R3HCC1: variants seen among roughly 807,000 people sequenced by gnomAD.
R3HCC1 encodes the protein R3H and coiled-coil domain-containing protein 1.
R3HCC1 carries 32 observed loss-of-function variants against 40.0 expected under a neutral mutation model. The ratio of observed to expected loss-of-function variants is 0.80; its 90% CI spans 0.60 to 1.07. The LOEUF is 1.07. R3HCC1 is among the 50% of genes least tolerant of loss of function. The pLI is 0.00. For missense variants in R3HCC1, 586 were observed against 563.3 expected, an observed-to-expected ratio of 1.04 and a Z score of -0.41; for synonymous variants, 237 against 232.8, an observed-to-expected ratio of 1.02 and a Z score of -0.17.
At position 23,290,101 on chromosome 8, in the gene R3HCC1, C is replaced by T; in HGVS notation, c.484C>T (p.Pro162Ser). The stretch of plus-strand genomic sequence containing the variant: ...TACCTCGGTGCTCAAGAGAGAGGCC[C>T]CAGCTGGCAGGGACCCAGAAGAGCC... The change falls in exon 4 of 8, where the codon CCA becomes TCA. Residue 162 changes from proline (P) to serine (S), a missense_variant. Pro to Ser is a moderately conservative substitution (Grantham distance 74, BLOSUM62 -1). Transcript: ENST00000265806. 6.4e-7 allele frequency: 1 copy of T among 1,550,718 alleles called. No individual in the cohort carries two copies. The highest frequency in any genetic ancestry group is 2.4e-5 in the East Asian group (1 of 40,926).
At chr8:23,295,070 G>A (rs969662760) in intron 7 of R3HCC1, among the ~76,000 whole-genome samples, 2 of 152,118 alleles carry the variant, frequency 1.3e-5, no homozygotes, top group Non-Finnish European at 2.9e-5. Flanking sequence ...GCCTAGGGGG[G>A]GTCTGGGGCA....
At chr8:23,288,303 G>T (rs1188542044) in intron 1 of R3HCC1, 146 bp downstream of exon 1, 29 of 1,104,098 alleles carry the variant, frequency 2.6e-5, no homozygotes, top group Non-Finnish European at 2.9e-5. Flanking sequence ...GCATCCGACC[G>T]CAGGCGGGGA....
chr8:23,293,021 G>A (rs1802902264), intron 5 of R3HCC1, among the ~76,000 whole-genome samples: 1 of 152,132 alleles, frequency 6.6e-6, no homozygotes. Flanking sequence ...CTTCCTCCTT[G>A]GTGTCGTGCC....
intron 7 of R3HCC1, 110 bp from the exon 8 acceptor site, chr8:23,295,857 A>G (rs1334334169): frequency 1.4e-5 from 20 of 1,392,848 alleles, no homozygotes; most frequent in Non-Finnish European, 1.8e-5. Flanking sequence ...GAGGCCCCAC[A>G]TGTGTCACAT....
intron 3 of R3HCC1, 26 bp from the exon 4 acceptor site, chr8:23,289,840 A>C (rs1802820489): frequency 6.8e-7 from 1 of 1,476,378 alleles, no homozygotes; most frequent in Non-Finnish European, 8.9e-7. Flanking sequence ...ACACACTCTG[A>C]TTACCTCCTC....
At chr8:23,292,867 G>T (rs1802898195) in intron 5 of R3HCC1, among the ~76,000 whole-genome samples, 1 of 152,164 alleles carries the variant, frequency 6.6e-6, no homozygotes, top group Non-Finnish European at 1.5e-5. Flanking sequence ...GCACCTTCCT[G>T]AGCAATAGGA....
intron 2 of R3HCC1, 77 bp downstream of exon 2, chr8:23,288,710 C>T: frequency 6.7e-7 from 1 of 1,501,084 alleles, no homozygotes; most frequent in Non-Finnish European, 8.9e-7. Flanking sequence ...TGCCCTCCCC[C>T]AGGTGGTGCC....
intron 1 of R3HCC1, 148 bp downstream of exon 1, chr8:23,288,305 A>G: frequency 2.7e-6 from 3 of 1,107,046 alleles, no homozygotes; most frequent in African/African-American, 1.6e-5. Flanking sequence ...ATCCGACCGC[A>G]GGCGGGGACG....
intron 1 of R3HCC1, 53 bp from the exon 2 acceptor site, chr8:23,288,453 G>A (rs1802787756): frequency 1.3e-6 from 2 of 1,524,228 alleles, no homozygotes; most frequent in South Asian, 2.4e-5. Context: ...CGGGGTCGCG[G>A]GAGATCCGGG....
intron 6 of R3HCC1, 92 bp from the exon 7 acceptor site, chr8:23,294,677 T>C: frequency 1.0e-6 from 1 of 953,604 alleles, no homozygotes; most frequent in Non-Finnish European, 1.6e-6. Flanking sequence ...TTTGAATAGG[T>C]GCACAACACG....
At position 23,290,088 on chromosome 8, in the gene R3HCC1, C is replaced by T. The variant is rs1554473260; in HGVS notation, c.471C>T (p.Leu157=). Residue 157 remains leucine, a synonymous_variant, in exon 4 of 8, where the codon CTC becomes CTT. Transcript: ENST00000265806. The stretch of plus-strand genomic sequence containing the variant: ...GGGGGCTGACCTCTACCTCGGTGCT[C>T]AAGAGAGAGGCCCCAGCTGGCAGGG... 5 of 1,550,280 alleles carry T rather than the reference C, an allele frequency of 3.2e-6. No individual in the cohort carries two copies. In the South Asian group the frequency reaches 5.9e-5, roughly 18 times the overall value.
rs1803002119 is a variant in R3HCC1 at position 23,295,880 on chromosome 8, C to T, written c.1193-87C>T. The T allele has an allele frequency of 7.5e-6, 11 of 1,458,362 alleles. No homozygotes were observed. In the Admixed American group the frequency reaches 2.5e-4, roughly 34 times the overall value. The allele number at this position is 1,458,362 out of a possible 1,614,324, so 90.3% of individuals were successfully genotyped here. ...ACATGTGTCACATGAGAGGCTGGCT[C>T]TGATGGCTTGTACGGCTGCTGTGTT... On this transcript the variant is annotated intron_variant, in intron 7 of 7. Transcript: ENST00000265806.
rs1802965831 is a variant in R3HCC1 at position 23,294,971 on chromosome 8, C to T, written c.1192+107C>T. 5.9e-6 allele frequency: 5 copies of T among 841,020 alleles called. No homozygotes were observed. In the East Asian group the frequency reaches 1.1e-4, roughly 18 times the overall value. 52.1% of individuals were successfully genotyped at this position (841,020 alleles called of 1,614,324 possible). ...TGTCTGGTTTGGGCAGGGTCTTCCC[C>T]TCTGTTAATTCTTCCCGCTTGACTT... On this transcript the variant is annotated intron_variant, in intron 7 of 7. Transcript: ENST00000265806.
At chr8:23,294,654 C>T in intron 6 of R3HCC1, 115 bp from the exon 7 acceptor site, 1 of 798,546 alleles carries the variant, frequency 1.3e-6, no homozygotes, top group Non-Finnish European at 2.1e-6. Context: ...GTCGGAGCAG[C>T]CCTGCCCTGA....
intron 4 of R3HCC1, 115 bp downstream of exon 4, chr8:23,290,584 G>C (rs959839691): frequency 6.3e-6 from 8 of 1,261,632 alleles, no homozygotes; most frequent in Non-Finnish European, 8.5e-6. Flanking sequence ...AGGGGAGGTA[G>C]GGCTGGGTGT....
At chr8:23,293,415 G>T (rs1324974295) in intron 6 of R3HCC1, 42 bp downstream of exon 6, 5 of 1,475,832 alleles carry the variant, frequency 3.4e-6, no homozygotes, top group East Asian at 2.5e-5. Context: ...TCGGATCCCT[G>T]TTGAGAGGGA....
At chr8:23,293,553 A>G (rs1802919546) in intron 6 of R3HCC1, among the ~76,000 whole-genome samples, 180 bp downstream of exon 6, 1 of 152,154 alleles carries the variant, frequency 6.6e-6, no homozygotes, top group Non-Finnish European at 1.5e-5. Flanking sequence ...GCCCATAGTA[A>G]TGCGCCTTAA....
rs1033566808 is a variant in R3HCC1, at chr8:23,288,146, C to T, written c.-30C>T. ...GACGCCGAGGGCGGCTGCGACGCGC[C>T]GAGAGGCCGCGGTGAGTGCAGCAGC... On this transcript the variant is annotated 5_prime_UTR_variant, in exon 1 of 8. Transcript: ENST00000265806. The T allele has an allele frequency of 2.5e-5, 31 of 1,248,376 alleles. No individual in the cohort carries two copies. Among genetic ancestry groups the T allele is most frequent in the South Asian group, 4.1e-5 (3 of 73,590 alleles). 77.3% of individuals were successfully genotyped at this position (1,248,376 alleles called of 1,614,324 possible).
chr8:23,288,947 C>G, intron 2 of R3HCC1, 69 bp from the exon 3 acceptor site: 5 of 1,492,048 alleles, frequency 3.4e-6, no homozygotes, highest in South Asian at 2.5e-5. Context: ...CCGCGATTAA[C>G]CTGGGAGTGG....
Sources: allele counts gnomAD v4.1 joint callset (sites outside exome capture counted in the v4.1 genomes callset), GRCh38; gene constraint gnomAD v4.1.1; transcripts MANE v1.5; gene names NCBI Gene and HGNC (gene_info 2026-07-23, HGNC 2026-07-21).